The following NREP variants were observed in gnomAD, a reference collection of about 807,000 sequenced individuals.
NREP encodes neuronal regeneration related protein.
A neutral mutation model predicts 8.6 loss-of-function variants in NREP; 5 were observed. The ratio of observed to expected loss-of-function variants is 0.58; its 90% CI spans 0.30 to 1.22. The LOEUF is 1.22. Ranked by LOEUF, NREP falls within the 50% of genes most tolerant of loss-of-function variation. NREP has a pLI of 0.07. For missense variants in NREP, 86 were observed against 82.5 expected (o/e 1.04, Z -0.17); for synonymous variants, 27 against 28.0 (o/e 0.96, Z 0.11).
intron 2 of NREP, among the ~76,000 whole-genome samples, chr5:111,862,301 A>C (rs1753560581): frequency 6.6e-6 from 1 of 152,212 alleles, no homozygotes. Flanking sequence ...TGCAGAAAAC[A>C]GACTGTCATT....
intron 2 of NREP, among the ~76,000 whole-genome samples, chr5:111,794,935 G>C (rs1751841770): frequency 6.6e-6 from 1 of 151,222 alleles, no homozygotes; most frequent in African/African-American, 2.4e-5. Context: ...TGGGGGTCAG[G>C]GGATATGTGA....
At chr5:111,767,555 C>G (rs914917496) in intron 2 of NREP, among the ~76,000 whole-genome samples, 1 of 152,176 alleles carries the variant, frequency 6.6e-6, no homozygotes, top group Non-Finnish European at 1.5e-5. Flanking sequence ...AATGGTCTCA[C>G]GTCCACGTAC....
intron 2 of NREP, among the ~76,000 whole-genome samples, chr5:111,818,866 T>G (rs997304474): frequency 2.6e-5 from 4 of 152,178 alleles, no homozygotes; most frequent in African/African-American, 7.2e-5. Context: ...AACAGTATAG[T>G]GTGGAATGGA....
intron 2 of NREP, among the ~76,000 whole-genome samples, chr5:111,855,647 G>C (rs900323736): frequency 6.6e-6 from 1 of 152,150 alleles, no homozygotes; most frequent in Non-Finnish European, 1.5e-5. Context: ...AATGCAAACT[G>C]CAACATCTAA....
chr5:111,808,522 A>C (rs1450538106), intron 2 of NREP, among the ~76,000 whole-genome samples: 1 of 152,214 alleles, frequency 6.6e-6, no homozygotes, highest in Non-Finnish European at 1.5e-5. Context: ...CCTTTCTTTC[A>C]AATGTTACTT....
At chr5:111,758,112 G>A (rs1750852551), upstream of NREP, 3 of 985,498 alleles carry the variant, frequency 3.0e-6, no homozygotes, top group South Asian at 1.4e-4. Context: ...GCCTCGGGTC[G>A]GACCCTGCCC....
chr5:111,898,596 G>A (rs1260541215), intron 2 of NREP, among the ~76,000 whole-genome samples: 2 of 152,130 alleles, frequency 1.3e-5, no homozygotes, highest in Non-Finnish European at 2.9e-5. Flanking sequence ...TTGGGGATCA[G>A]CAAACTTTTG....
intron 2 of NREP, among the ~76,000 whole-genome samples, chr5:111,921,545 G>A (rs1755240394): frequency 6.6e-6 from 1 of 152,144 alleles, no homozygotes; most frequent in African/African-American, 2.4e-5. Context: ...CTCATATTTT[G>A]TAGAGCAACT....
chr5:111,886,365 C>A (rs1220863500), intron 2 of NREP, among the ~76,000 whole-genome samples: 1 of 151,618 alleles, frequency 6.6e-6, no homozygotes, highest in South Asian at 2.1e-4. Flanking sequence ...CACTTTTACA[C>A]TGTTGGTGGG....
chr5:111,829,363 A>G (rs1187824743), intron 2 of NREP, among the ~76,000 whole-genome samples: 1 of 152,216 alleles, frequency 6.6e-6, no homozygotes, highest in Non-Finnish European at 1.5e-5. Flanking sequence ...GGCTGGAGTC[A>G]GAGAAACCAG....
At chr5:111,936,017 C>T (rs1268428934) in intron 2 of NREP, among the ~76,000 whole-genome samples, 4 of 152,072 alleles carry the variant, frequency 2.6e-5, no homozygotes, top group East Asian at 3.9e-4. Context: ...CTGGGATCCT[C>T]GGTGCCCCAT....
chr5:111,937,282 AACTG>A (rs1755710586), intron 2 of NREP, among the ~76,000 whole-genome samples: 1 of 152,070 alleles, frequency 6.6e-6, no homozygotes, highest in African/African-American at 2.4e-5. Flanking sequence ...CAGGGGTCAT[AACTG>A]TCTTTCTCAC....
intron 2 of NREP, among the ~76,000 whole-genome samples, chr5:111,766,588 A>G (rs1390984826): frequency 1.3e-5 from 2 of 152,220 alleles, no homozygotes; most frequent in African/African-American, 4.8e-5. Flanking sequence ...AGTCTACTTC[A>G]GATGGATATC....
chr5:111,757,229 TGGGG>T, upstream of NREP: 5 of 180,876 alleles, frequency 2.8e-5, no homozygotes, highest in Non-Finnish European at 3.6e-5. Context: ...AAAGACAGAT[TGGGG>T]GGGGAGGGGG....
At chr5:111,884,882 A>G (rs1754197276) in intron 2 of NREP, among the ~76,000 whole-genome samples, 1 of 152,242 alleles carries the variant, frequency 6.6e-6, no homozygotes, top group Non-Finnish European at 1.5e-5. Context: ...TGAATGGGCA[A>G]AAAGTGGAAG....
At chr5:111,949,653 C>G (rs1035876412) in intron 2 of NREP, among the ~76,000 whole-genome samples, 14 of 151,974 alleles carry the variant, frequency 9.2e-5, no homozygotes, top group Admixed American at 3.9e-4. Flanking sequence ...TTGTCCAGCT[C>G]CTACTTATGA....
chr5:111,739,523 C>G (rs1026990645), intron 2 of NREP: 3 of 152,164 alleles, frequency 2.0e-5, no homozygotes, highest in African/African-American at 7.2e-5. Flanking sequence ...ATATGAGGGT[C>G]AGAAAACTGG....
At chr5:111,834,442 A>G (rs2112939878) in intron 2 of NREP, among the ~76,000 whole-genome samples, 1 of 152,342 alleles carries the variant, frequency 6.6e-6, no homozygotes, top group African/African-American at 2.4e-5. Flanking sequence ...AACTAATAAT[A>G]TTTTAAGTGC....
At chr5:111,965,114 G>A (rs1046793894) in intron 2 of NREP, among the ~76,000 whole-genome samples, 15 of 151,920 alleles carry the variant, frequency 9.9e-5, no homozygotes, top group African/African-American at 3.4e-4. Flanking sequence ...TGAGATAGCT[G>A]CAACAGCTCC....
Sources: allele counts gnomAD v4.1 joint callset (sites outside exome capture counted in the v4.1 genomes callset), GRCh38; gene constraint gnomAD v4.1.1; transcripts MANE v1.5; gene names NCBI Gene and HGNC (gene_info 2026-07-23, HGNC 2026-07-21).